Variants in ANK3 observed in about 807,000 individuals in gnomAD.
ANK3 encodes the protein ankyrin-3.
Under a neutral mutation model 370.9 loss-of-function variants are expected in ANK3, and 57 were observed. That is an observed-to-expected ratio of 0.15 (90% CI 0.12 to 0.19). The LOEUF is 0.19. Among genes scored for constraint, ANK3 ranks in the 10% least tolerant of loss-of-function variants. The pLI is 1.00. For synonymous variants in ANK3, 1,929 were observed against 1,946.3 expected (o/e 0.99, Z 0.23); for missense variants, 4,439 against 5,302.1 (o/e 0.84, Z 5.06).
At chr10:60,267,567 AT>A (rs1271828958) in intron 5 of ANK3, among the ~76,000 whole-genome samples, 1 of 152,192 alleles carries the variant, frequency 6.6e-6, no homozygotes, top group African/African-American at 2.4e-5. Flanking sequence ...TGAAGTAGTG[AT>A]TTGAAGATCT....
chr10:60,453,244 G>A (rs376338696), intron 2 of ANK3, among the ~76,000 whole-genome samples: 5 of 152,206 alleles, frequency 3.3e-5, no homozygotes, highest in East Asian at 3.9e-4. Context: ...AAGTAGCTTC[G>A]AGGACTGAAT....
Position 60,046,707 on chromosome 10 carries a change from A to T in ANK3, c.13066-3948T>A, listed in dbSNP as rs886461591. Among the ~76,000 whole-genome samples the T allele has an allele frequency of 1.2e-4, 18 of 152,190 alleles. No individual in the cohort carries two copies. The South Asian group carries it at 1.9e-3, about 16-fold the overall frequency. ...GCAGGGAGTCATAAAATACATTTTTAAAAAATTTATCCATCTTTAATTCTG... is the reference window on the plus strand; with the variant it reads ...GCAGGGAGTCATAAAATACATTTTTTAAAAATTTATCCATCTTTAATTCTG... On this transcript the variant is annotated intron_variant, in intron 42 of 43. Transcript: ENST00000280772.
At chr10:60,625,013 C>T (rs868859494) in intron 1 of ANK3, among the ~76,000 whole-genome samples, 2 of 151,960 alleles carry the variant, frequency 1.3e-5, no homozygotes, top group South Asian at 2.1e-4. Flanking sequence ...AAGTCTGTTC[C>T]TTTACCCTTT....
intron 12 of ANK3, among the ~76,000 whole-genome samples, chr10:60,202,130 AT>A (rs1482811199): frequency 6.6e-5 from 10 of 151,232 alleles, no homozygotes; most frequent in Admixed American, 5.9e-4. Flanking sequence ...TTTATTTATT[AT>A]TTTTTTTGAG....
intron 18 of ANK3, among the ~76,000 whole-genome samples, chr10:60,176,684 G>C (rs572834444): frequency 4.6e-5 from 7 of 152,184 alleles, no homozygotes; most frequent in African/African-American, 1.7e-4. Flanking sequence ...GCCTGAATCC[G>C]GGAGGTAGAG....
At chr10:60,674,945 A>C (rs1054583800) in intron 1 of ANK3, among the ~76,000 whole-genome samples, 7 of 152,194 alleles carry the variant, frequency 4.6e-5, no homozygotes, top group Admixed American at 3.9e-4. Context: ...AGCATAAACC[A>C]TATATTTGAG....
At chr10:60,214,180 C>T (rs187627606) in intron 8 of ANK3, among the ~76,000 whole-genome samples, 29 of 151,962 alleles carry the variant, frequency 1.9e-4, no homozygotes, top group East Asian at 9.6e-4. Flanking sequence ...GCTTTTTTCA[C>T]GACTAGTTTA....
intron 2 of ANK3, among the ~76,000 whole-genome samples, chr10:60,521,043 A>C (rs148623822): frequency 8.3e-4 from 126 of 152,196 alleles, no homozygotes; most frequent in African/African-American, 2.9e-3. Flanking sequence ...TATCTCAAAA[A>C]TAAAAGTAGT....
chr10:60,132,688 C>T (rs541631396), intron 25 of ANK3, among the ~76,000 whole-genome samples: 1 of 151,404 alleles, frequency 6.6e-6, no homozygotes, highest in Non-Finnish European at 1.5e-5. Flanking sequence ...GCAATCTTGG[C>T]TCACTGCAAA....
intron 25 of ANK3, among the ~76,000 whole-genome samples, chr10:60,131,557 C>G (rs975001661): frequency 1.3e-5 from 2 of 152,196 alleles, no homozygotes; most frequent in Non-Finnish European, 2.9e-5. Context: ...AGTTTCATCT[C>G]AAAACTTCTC....
chr10:60,156,992 C>G lies in ANK3; in HGVS notation c.2614+9599G>C, dbSNP rs147004328. ...CTGGAGTGATGGAGATATATGGCCTCTCAGATACGGAATTCAAAATAGCTG... is the reference window on the plus strand; with the variant it reads ...CTGGAGTGATGGAGATATATGGCCTGTCAGATACGGAATTCAAAATAGCTG... On this transcript the variant is annotated intron_variant, in intron 23 of 43. Transcript: ENST00000280772. Among the ~76,000 whole-genome samples the G allele has an allele frequency of 3.3e-3, 494 of 151,598 alleles. 3 individuals carry two copies. The highest frequency in any genetic ancestry group is 4.9e-3 in the Non-Finnish European group (333 of 67,972).
chr10:60,721,573 A>G (rs1369215875), intron 1 of ANK3, among the ~76,000 whole-genome samples: 1 of 152,198 alleles, frequency 6.6e-6, no homozygotes, highest in Non-Finnish European at 1.5e-5. Flanking sequence ...TACATATAAA[A>G]CAAAGATTGG....
rs368248131 is a variant in ANK3, at chr10:60,082,600, A to G, written c.4323+15T>C. ...AGACCAGGGAAAGACAATTTAAAGCAGTATTAAAAGATACCTTTTTATGTG... is the reference window on the plus strand; with the variant it reads ...AGACCAGGGAAAGACAATTTAAAGCGGTATTAAAAGATACCTTTTTATGTG... On this transcript the variant is annotated intron_variant, in intron 34 of 43. Coordinates refer to ENST00000280772, the MANE Select transcript of ANK3 (RefSeq NM_020987.5). 1.4e-5 allele frequency: 22 copies of G among 1,609,378 alleles called. No individual in the cohort carries two copies. Among genetic ancestry groups the G allele is most frequent in the African/African-American group, 4.0e-5 (3 of 74,548 alleles).
intron 1 of ANK3, among the ~76,000 whole-genome samples, chr10:60,705,097 A>G (rs1225077822): frequency 6.6e-6 from 1 of 152,202 alleles, no homozygotes; most frequent in South Asian, 2.1e-4. Context: ...TTTGACAGAT[A>G]TTATCTCTAA....
At chr10:60,076,601 A>G in intron 36 of ANK3, 153 bp from the exon 37 acceptor site, 1 of 1,028,988 alleles carries the variant, frequency 9.7e-7, no homozygotes, top group Non-Finnish European at 1.3e-6. Flanking sequence ...AAGAGGCAAA[A>G]GGAACAATTA....
At chr10:60,231,210 A>G (rs1205863088) in intron 8 of ANK3, among the ~76,000 whole-genome samples, 2 of 152,222 alleles carry the variant, frequency 1.3e-5, no homozygotes, top group East Asian at 1.9e-4. Context: ...CCAGCTGGTA[A>G]TATCTTGCTC....
At chr10:60,203,857 G>C (rs1422506653) in intron 11 of ANK3, among the ~76,000 whole-genome samples, 1 of 152,102 alleles carries the variant, frequency 6.6e-6, no homozygotes, top group Non-Finnish European at 1.5e-5. Context: ...GAATAAGAAA[G>C]ATAAAAATCT....
At chr10:60,343,556 GA>G (rs2054732838) in intron 1 of ANK3, among the ~76,000 whole-genome samples, 1 of 152,106 alleles carries the variant, frequency 6.6e-6, no homozygotes. Flanking sequence ...TATCAGAGAT[GA>G]TACATAAAGA....
rs547858095 is a variant in ANK3 at position 60,139,098 on chromosome 10, A to T, written c.2615-11T>A. 4 of 1,613,004 alleles carry T rather than the reference A, an allele frequency of 2.5e-6. No individual in the cohort carries two copies. Among genetic ancestry groups the T allele is most frequent in the African/African-American group, 2.7e-5 (2 of 74,942 alleles). On this transcript the variant is annotated splice_polypyrimidine_tract_variant and intron_variant, in intron 23 of 43. Transcript: ENST00000280772. ...TCATTGCATCTTCACCTGCAGATGT[A>T]GAGAGTAAGCCCACATCAAAAGCTT...
Sources: gnomAD v4.1 joint callset for allele counts (sites outside exome capture counted in the v4.1 genomes callset) on GRCh38, gnomAD v4.1.1 for gene constraint, MANE v1.5 for transcripts, NCBI Gene and HGNC (gene_info 2026-07-23, HGNC 2026-07-21) for gene names.